The following ARHGEF6 variants were observed in gnomAD, a reference collection of about 807,000 sequenced individuals.
ARHGEF6 encodes the protein Rac/Cdc42 guanine nucleotide exchange factor 6.
A neutral mutation model predicts 70.3 loss-of-function variants in ARHGEF6; 9 were observed. That is an observed-to-expected ratio of 0.13 (90% CI 0.08 to 0.22). ARHGEF6 has a LOEUF of 0.22. Among genes scored for constraint, ARHGEF6 ranks in the 10% least tolerant of loss-of-function variants. The probability of loss-of-function intolerance (pLI) is 1.00; values close to 1 mark genes in which losing one functional copy is unlikely to be tolerated. For synonymous variants in ARHGEF6, 201 were observed against 207.8 expected (o/e 0.97, Z 0.28); for missense variants, 470 against 563.0 (o/e 0.83, Z 1.67).
At position 136,708,697 on chromosome X, in the gene ARHGEF6, G is replaced by T; in HGVS notation, c.901C>A (p.Gln301Lys). The change falls in exon 8 of 22, where the codon CAA (glutamine) becomes AAA (lysine). Residue 301 changes from glutamine to lysine, a missense_variant. By Grantham distance (53) the Gln-to-Lys change is moderately conservative. Around this residue, in one of 3 missense-constraint regions of ARHGEF6, gnomAD observed 379 missense variants for 449.3 expected, o/e 0.84. Coordinates refer to ENST00000250617, the MANE Select transcript of ARHGEF6 (RefSeq NM_004840.3). The stretch of plus-strand genomic sequence containing the variant: ...TACTTTGAACATTCTTCCAAGGCTT[G>T]GCAGAGTGTCTGTTGAAATGTGCAT... ...EVCTFQQTLC[Q>K]ALEECSKFPE... 8.3e-7 allele frequency: 1 copy of T among 1,205,088 alleles called. No individual in the cohort carries two copies. The highest frequency in any genetic ancestry group is 1.1e-6 in the Non-Finnish European group (1 of 890,376).
chrX:136,739,948 T>C (rs1231099183), intron 5 of ARHGEF6, among the ~76,000 whole-genome samples: 1 of 111,641 alleles, frequency 9.0e-6, no homozygotes, highest in African/African-American at 3.3e-5. Context: ...TTGGAGGCTA[T>C]TGTGATGGCC....
rs2077428732 is a variant in ARHGEF6 at position 136,779,201 on chromosome X, T to A, written c.249+213A>T. ...GCTTGGATGCTGTATATAAAAGGCA[T>A]TATTGTGTGAGTTTTTATTTTGTTT... On this transcript the variant is annotated intron_variant, in intron 2 of 21. Transcript: ENST00000250617. Among the ~76,000 whole-genome samples, 4 of 112,111 alleles carry A rather than the reference T, an allele frequency of 3.6e-5. No homozygotes were observed. The South Asian group carries it at 1.5e-3, about 41-fold the overall frequency.
At chrX:136,760,260 C>T (rs1168402672) in intron 2 of ARHGEF6, among the ~76,000 whole-genome samples, 1 of 112,720 alleles carries the variant, frequency 8.9e-6, no homozygotes, top group Non-Finnish European at 1.9e-5. Context: ...TGCATTTCCT[C>T]TTGGTACTAA....
At chrX:136,690,883 C>T in intron 9 of ARHGEF6, 135 bp from the exon 10 acceptor site, 1 of 740,257 alleles carries the variant, frequency 1.4e-6, no homozygotes. Context: ...AAATGCTGTT[C>T]AATTTGTTTT....
At chrX:136,756,080 T>C (rs929578010) in intron 2 of ARHGEF6, among the ~76,000 whole-genome samples, 1 of 111,815 alleles carries the variant, frequency 8.9e-6, no homozygotes, top group African/African-American at 3.3e-5. Flanking sequence ...AGTTTAGCTG[T>C]TCTCATCAAT....
chrX:136,687,231 C>T (rs1473702448), intron 11 of ARHGEF6, among the ~76,000 whole-genome samples: 3 of 111,824 alleles, frequency 2.7e-5, no homozygotes, highest in Non-Finnish European at 3.8e-5. Context: ...ACTACAGACA[C>T]GTCAATTACT....
At chrX:136,720,973 C>T (rs1480376359) in intron 6 of ARHGEF6, among the ~76,000 whole-genome samples, 3 of 111,699 alleles carry the variant, frequency 2.7e-5, no homozygotes, top group African/African-American at 9.8e-5. Context: ...AACTACAAAA[C>T]TCTGGTAAAA....
At position 136,780,892 on chromosome X, in the gene ARHGEF6, C is replaced by T. The variant is rs773987478; in HGVS notation, c.-10G>A. The T allele has an allele frequency of 9.9e-6, 12 of 1,209,197 alleles. No homozygotes were observed. Among genetic ancestry groups the T allele is most frequent in the Middle Eastern group, 2.3e-4 (1 of 4,368 alleles). ...GTTCTTCTGGATTCATTACTGAGGA[C>T]GGTACACTCCAAACAGCACTCTGGG... is the stretch of plus-strand genomic sequence containing the variant. On this transcript the variant is annotated 5_prime_UTR_variant, in exon 1 of 22. Transcript: ENST00000250617.
At chrX:136,737,689 A>G (rs984187870) in intron 5 of ARHGEF6, among the ~76,000 whole-genome samples, 5 of 94,693 alleles carry the variant, frequency 5.3e-5, no homozygotes, top group African/African-American at 2.1e-4. Context: ...TCCCGTGTTA[A>G]AAAAAAAAAA....
chrX:136,697,410 A>G (rs2076524971), intron 9 of ARHGEF6, among the ~76,000 whole-genome samples: 1 of 111,923 alleles, frequency 8.9e-6, no homozygotes, highest in South Asian at 3.8e-4. Context: ...AGAAACCTCA[A>G]AGTCTAGTCT....
intron 17 of ARHGEF6, among the ~76,000 whole-genome samples, chrX:136,677,133 T>C (rs1019069032): frequency 1.8e-5 from 2 of 112,609 alleles, no homozygotes; most frequent in Admixed American, 9.4e-5. Flanking sequence ...AATGTAGTAA[T>C]GATCACTTTT....
In ARHGEF6 at chrX:136,701,012, T is replaced by G. The variant is rs1256996391; in HGVS notation, c.1046+5896A>C. On this transcript the variant is annotated intron_variant, in intron 9 of 21. Coordinates refer to ENST00000250617, the MANE Select transcript of ARHGEF6 (RefSeq NM_004840.3). ...AGAATGCCTTTGATAGTCTAACAAA[T>G]AGGCTAAACATAGCTGAGGAAACAG... Among the ~76,000 whole-genome samples, 3 of 111,792 alleles carry G rather than the reference T, an allele frequency of 2.7e-5. No homozygotes were observed. In the East Asian group the frequency reaches 8.3e-4, roughly 31 times the overall value.
At chrX:136,707,958 T>C (rs1385312885) in intron 8 of ARHGEF6, among the ~76,000 whole-genome samples, 1 of 112,180 alleles carries the variant, frequency 8.9e-6, no homozygotes, top group Non-Finnish European at 1.9e-5. Context: ...ATCAAAAATG[T>C]GTTGGTTCAC....
At chrX:136,673,834 T>C (rs1323124478) in intron 19 of ARHGEF6, among the ~76,000 whole-genome samples, 11 of 108,551 alleles carry the variant, frequency 1.0e-4, no homozygotes, top group African/African-American at 3.7e-4. Context: ...CTCTCTCTCT[T>C]TCTCTCTCTC....
intron 21 of ARHGEF6, 126 bp downstream of exon 21, chrX:136,669,356 C>T: frequency 1.7e-6 from 1 of 588,793 alleles, no homozygotes; most frequent in Non-Finnish European, 2.9e-6. Flanking sequence ...ACCTTGATGA[C>T]ACAAGGAAAA....
intron 9 of ARHGEF6, among the ~76,000 whole-genome samples, chrX:136,697,247 T>C (rs888110483): frequency 3.6e-5 from 4 of 111,696 alleles, no homozygotes; most frequent in African/African-American, 1.3e-4. Flanking sequence ...TTAAGAGCTC[T>C]TGCCAAAACA....
intron 2 of ARHGEF6, among the ~76,000 whole-genome samples, chrX:136,759,886 G>T (rs1427639172): frequency 8.9e-6 from 1 of 112,029 alleles, no homozygotes; most frequent in Non-Finnish European, 1.9e-5. Flanking sequence ...TACCAGATTT[G>T]CCTAAGTAGA....
intron 2 of ARHGEF6, chrX:136,767,021 G>A: frequency 9.5e-6 from 6 of 634,050 alleles, no homozygotes; most frequent in Non-Finnish European, 1.1e-5. Flanking sequence ...CCCGCAGCTG[G>A]GGCTGCGAGC....
At chrX:136,672,217 G>T in intron 19 of ARHGEF6, 98 bp from the exon 20 acceptor site, 1 of 685,939 alleles carries the variant, frequency 1.5e-6, no homozygotes, top group Non-Finnish European at 2.4e-6. Context: ...TTACAGAAGG[G>T]TCTTTGTTCA....
Sources: gnomAD v4.1 joint callset for allele counts (sites outside exome capture counted in the v4.1 genomes callset) on GRCh38, gnomAD v4.1.1 for gene constraint, gnomAD v4.1.1 regional missense constraint, MANE v1.5 for transcripts, NCBI Gene and HGNC (gene_info 2026-07-23, HGNC 2026-07-21) for gene names.